Variants in PDE4D observed in about 807,000 individuals in gnomAD.
PDE4D encodes the protein phosphodiesterase 4D, also known as 3',5'-cyclic-AMP phosphodiesterase 4D.
A neutral mutation model predicts 87.4 loss-of-function variants in PDE4D; 24 were observed. The observed-to-expected ratio is 0.27, with a 90% CI of 0.20 to 0.39. The LOEUF is 0.39. Among genes scored for constraint, PDE4D ranks in the 10% least tolerant of loss-of-function variants. PDE4D has a pLI of 1.00. For synonymous variants in PDE4D, 384 were observed against 383.2 expected, an observed-to-expected ratio of 1.00 and a Z score of -0.02; for missense variants, 714 against 1,041.0, an observed-to-expected ratio of 0.69 and a Z score of 4.32.
intron 5 of PDE4D, among the ~76,000 whole-genome samples, chr5:59,106,836 C>CAAA (rs1476055847): frequency 1.3e-5 from 2 of 152,102 alleles, no homozygotes; most frequent in African/African-American, 2.4e-5. Context: ...AAACACAAGA[C>CAAA]AAAAATCCAG....
At chr5:60,205,053 G>T (rs1016583819) in intron 1 of PDE4D, among the ~76,000 whole-genome samples, 1 of 152,138 alleles carries the variant, frequency 6.6e-6, no homozygotes, top group South Asian at 2.1e-4. Context: ...TTCAGCAGCT[G>T]GTCCTTATCA....
chr5:59,689,420 G>A (rs1427221037), intron 1 of PDE4D, among the ~76,000 whole-genome samples: 2 of 152,112 alleles, frequency 1.3e-5, no homozygotes, highest in Non-Finnish European at 2.9e-5. Context: ...TTCAACATAT[G>A]CAAATCAATA....
chr5:59,369,453 G>C (rs1049628780), intron 1 of PDE4D, among the ~76,000 whole-genome samples: 28 of 152,086 alleles, frequency 1.8e-4, no homozygotes, highest in African/African-American at 6.5e-4. Flanking sequence ...TAGTTTATTT[G>C]GAGAAGAGGC....
intron 5 of PDE4D, among the ~76,000 whole-genome samples, chr5:59,053,123 C>T (rs2153405579): frequency 6.6e-6 from 1 of 152,074 alleles, no homozygotes; most frequent in Middle Eastern, 3.4e-3. Context: ...ACTGTAGTCA[C>T]TAAGGTAAGC....
At chr5:60,185,449 G>A (rs1562195937) in intron 2 of PDE4D, 5 of 629,524 alleles carry the variant, frequency 7.9e-6, no homozygotes, top group Admixed American at 2.5e-5. Context: ...TTGACTAAAC[G>A]TTTCCCACAA....
At chr5:60,002,061 C>A (rs1215321788) in intron 2 of PDE4D, among the ~76,000 whole-genome samples, 1 of 151,664 alleles carries the variant, frequency 6.6e-6, no homozygotes, top group East Asian at 1.9e-4. Context: ...AAATAATAAT[C>A]TTGGATATAA....
Position 59,110,699 on chromosome 5 carries a change from C to T in PDE4D, c.808+69896G>A, listed in dbSNP as rs115036102. Reference sequence around the variant, plus strand: ...CTAGCCTAAGTGTCATGGCGAGACCCGATCTTTACAAAAGATACAAAAATT... The same window carrying T: ...CTAGCCTAAGTGTCATGGCGAGACCTGATCTTTACAAAAGATACAAAAATT... On this transcript the variant is annotated intron_variant, in intron 5 of 14. Coordinates refer to ENST00000340635, the MANE Select transcript of PDE4D (RefSeq NM_001104631.2). Among the ~76,000 whole-genome samples the T allele has an allele frequency of 5.0e-3, 759 of 152,106 alleles. 3 individuals carry two copies. The highest frequency in any genetic ancestry group is 7.1e-3 in the Non-Finnish European group (480 of 67,996).
At chr5:60,203,703 A>G (rs76443509) in intron 1 of PDE4D, among the ~76,000 whole-genome samples, 2,685 of 152,310 alleles carry the variant, frequency 0.018, 92 homozygotes, top group African/African-American at 0.061. Flanking sequence ...GGAAAGAATG[A>G]TCATGAAATT....
chr5:59,348,707 G>A (rs1780012777), intron 1 of PDE4D, among the ~76,000 whole-genome samples: 1 of 144,798 alleles, frequency 6.9e-6, no homozygotes, highest in African/African-American at 2.6e-5. Flanking sequence ...CATAATTACA[G>A]TAATATATAT....
At chr5:59,890,293 ACAC>A (rs1354759708) in intron 1 of PDE4D, among the ~76,000 whole-genome samples, 4 of 131,796 alleles carry the variant, frequency 3.0e-5, no homozygotes, top group Non-Finnish European at 6.7e-5. Flanking sequence ...ACACACACAC[ACAC>A]CTTTTCTTGT....
chr5:60,314,969 C>T (rs1463071503), intron 1 of PDE4D, among the ~76,000 whole-genome samples: 1 of 152,152 alleles, frequency 6.6e-6, no homozygotes, highest in African/African-American at 2.4e-5. Context: ...GTCTTTATAG[C>T]AGCATGATTT....
At chr5:60,440,330 C>G (rs960026410) in intron 1 of PDE4D, among the ~76,000 whole-genome samples, 1 of 152,072 alleles carries the variant, frequency 6.6e-6, no homozygotes, top group Non-Finnish European at 1.5e-5. Context: ...TTCCTTGTTA[C>G]TTTAGAATAC....
chr5:59,198,787 T>G lies in PDE4D; in HGVS notation c.648-5251A>C, dbSNP rs138675084. Among the ~76,000 whole-genome samples the G allele has an allele frequency of 2.5e-3, 384 of 152,336 alleles. 4 individuals carry two copies. Among genetic ancestry groups the G allele is most frequent in the African/African-American group, 8.8e-3 (364 of 41,580 alleles). On this transcript the variant is annotated intron_variant, in intron 2 of 14. Transcript: ENST00000340635. ...TTTATCACGTTATTTTCTACCCTTTTTCTTTCTGTAATAAGGAAACAGAAA... is the reference window on the plus strand; with the variant it reads ...TTTATCACGTTATTTTCTACCCTTTGTCTTTCTGTAATAAGGAAACAGAAA...
intron 1 of PDE4D, among the ~76,000 whole-genome samples, chr5:59,532,134 G>C (rs1240918835): frequency 6.6e-6 from 1 of 151,972 alleles, no homozygotes; most frequent in Non-Finnish European, 1.5e-5. Flanking sequence ...ACCCTTACTA[G>C]ATTTTTTTGT....
At chr5:59,337,337 CTTT>C (rs1232280356) in intron 1 of PDE4D, among the ~76,000 whole-genome samples, 1 of 133,020 alleles carries the variant, frequency 7.5e-6, no homozygotes, top group Admixed American at 7.5e-5. Context: ...CCCCCCCCAC[CTTT>C]TTTTTTTTTT....
At chr5:59,156,318 A>T (rs868557290) in intron 5 of PDE4D, among the ~76,000 whole-genome samples, 244 of 21,250 alleles carry the variant, frequency 0.011, 1 homozygote, top group Middle Eastern at 0.025. Context: ...AGAAAAAAAA[A>T]AAATATATAT....
chr5:59,505,478 G>A (rs2153666222), intron 1 of PDE4D, among the ~76,000 whole-genome samples: 1 of 152,286 alleles, frequency 6.6e-6, no homozygotes, highest in South Asian at 2.1e-4. Flanking sequence ...ACAGGGGAAA[G>A]CAGGTTTTCT....
intron 1 of PDE4D, among the ~76,000 whole-genome samples, chr5:59,743,812 A>G (rs866563243): frequency 3.9e-5 from 6 of 152,084 alleles, no homozygotes; most frequent in South Asian, 2.1e-4. Context: ...GAGCACTACA[A>G]TCATCACTCA....
At chr5:60,359,363 G>A (rs1269097019) in intron 1 of PDE4D, among the ~76,000 whole-genome samples, 2 of 152,110 alleles carry the variant, frequency 1.3e-5, no homozygotes, top group South Asian at 2.1e-4. Context: ...AGCTGGGATC[G>A]CACCACTGCA....
Sources: allele counts gnomAD v4.1 joint callset (sites outside exome capture counted in the v4.1 genomes callset), GRCh38; gene constraint gnomAD v4.1.1; transcripts MANE v1.5; gene names NCBI Gene and HGNC (gene_info 2026-07-23, HGNC 2026-07-21).